Variants in CCDC30 observed in about 807,000 individuals in gnomAD.
CCDC30 encodes coiled-coil domain-containing protein 30.
In CCDC30, 70 loss-of-function variants were observed where a neutral mutation model predicts 100.2. The ratio of observed to expected loss-of-function variants is 0.70; its 90% CI spans 0.58 to 0.85. The LOEUF (loss-of-function observed/expected upper bound fraction) is 0.85, where lower values mean the gene tolerates loss of function less well. Among genes scored for constraint, CCDC30 ranks in the 40% least tolerant of loss-of-function variants. CCDC30 has a pLI of 0.00. For missense variants in CCDC30, 652 were observed against 771.2 expected, an observed-to-expected ratio of 0.85 and a Z score of 1.83; for synonymous variants, 233 against 269.5, an observed-to-expected ratio of 0.86 and a Z score of 1.33.
At chr1:42,521,503 G>A (rs1644646331) in intron 6 of CCDC30, among the ~76,000 whole-genome samples, 1 of 152,176 alleles carries the variant, frequency 6.6e-6, no homozygotes, top group Non-Finnish European at 1.5e-5. Context: ...ATTGTCCTGT[G>A]TGCAGTTGAG....
Position 42,609,252 on chromosome 1 carries a change from A to G in CCDC30, c.1165-1726A>G, listed in dbSNP as rs143680385. On this transcript the variant is annotated intron_variant, in intron 10 of 16. Coordinates refer to ENST00000668663, the Ensembl canonical transcript of CCDC30. ...TTTTGTGATGATCCACTTCTACTTA[A>G]TGAATAGTAAATATATTTTCTCTAC... 2.4e-3 allele frequency among the ~76,000 whole-genome samples: 373 copies of G among 152,294 alleles called. 2 individuals carry two copies. Among genetic ancestry groups the G allele is most frequent in the Middle Eastern group, 0.014 (4 of 294 alleles).
At chr1:42,535,983 A>G (rs890278309) in intron 6 of CCDC30, among the ~76,000 whole-genome samples, 3 of 151,452 alleles carry the variant, frequency 2.0e-5, no homozygotes, top group East Asian at 2.0e-4. Flanking sequence ...ATTATGTAAC[A>G]TATCTGAGCC....
At chr1:42,456,637 T>C in the CCDC30 span, 2 of 1,574,402 alleles carry the variant, frequency 1.3e-6, no homozygotes, top group Admixed American at 1.8e-5. Flanking sequence ...AGGTTATGGC[T>C]CGCTTCGCGG....
chr1:42,566,148 G>C, intron 6 of CCDC30, 148 bp from the exon 11 acceptor site: 1 of 597,896 alleles, frequency 1.7e-6, no homozygotes, highest in Non-Finnish European at 3.0e-6. Context: ...AAATGTAAAA[G>C]AGTAGTTTGC....
intron 6 of CCDC30, among the ~76,000 whole-genome samples, chr1:42,555,493 C>T (rs1253087813): frequency 6.6e-6 from 1 of 152,186 alleles, no homozygotes; most frequent in Non-Finnish European, 1.5e-5. Flanking sequence ...AGATCATGTC[C>T]TGTTGAAGCC....
chr1:42,625,317 ACAACTTTTTGTTT>A (rs1394265524), intron 11 of CCDC30, among the ~76,000 whole-genome samples: 6 of 144,172 alleles, frequency 4.2e-5, no homozygotes, highest in African/African-American at 1.5e-4. Context: ...TTTCAAAAAA[ACAACTTTTTGTTT>A]CATTGATCTT....
At chr1:42,546,156 C>A (rs1301207382) in intron 6 of CCDC30, among the ~76,000 whole-genome samples, 1 of 150,866 alleles carries the variant, frequency 6.6e-6, no homozygotes, top group African/African-American at 2.4e-5. Context: ...GAGGCCAAGG[C>A]GGGCGGATCA....
chr1:42,467,092 A>G (rs1032228894), intron 1 of CCDC30, among the ~76,000 whole-genome samples: 6 of 152,218 alleles, frequency 3.9e-5, no homozygotes, highest in Admixed American at 1.3e-4. Flanking sequence ...ATAGGGACCA[A>G]TAAGTATACT....
chr1:42,599,670 T>C (rs796274316), intron 10 of CCDC30, among the ~76,000 whole-genome samples: 1 of 152,142 alleles, frequency 6.6e-6, no homozygotes, highest in African/African-American at 2.4e-5. Context: ...AGAAGCCCAC[T>C]TTAAATATAA....
chr1:42,536,641 T>C (rs1471356491), intron 6 of CCDC30, 40 bp downstream of exon 7: 1 of 1,374,888 alleles, frequency 7.3e-7, no homozygotes, highest in Non-Finnish European at 1.0e-6. Flanking sequence ...TTCTTGTAGT[T>C]CTAATTTAGG....
chr1:42,500,570 C>T (rs1258760602), intron 6 of CCDC30, among the ~76,000 whole-genome samples: 5 of 152,002 alleles, frequency 3.3e-5, no homozygotes, highest in African/African-American at 4.8e-5. Flanking sequence ...CCCGCCACCA[C>T]GCCCGGCTAA....
At chr1:42,606,719 C>T (rs1287648316) in intron 10 of CCDC30, among the ~76,000 whole-genome samples, 1 of 152,174 alleles carries the variant, frequency 6.6e-6, no homozygotes, top group Non-Finnish European at 1.5e-5. Context: ...GCATGGGACT[C>T]ATACAAAGTA....
At position 42,584,507 on chromosome 1, in the gene CCDC30, T is replaced by G. The variant is rs138669517; in HGVS notation, c.1001+2993T>G. ...ACTTGGGAGGCTGAGGCAAGAAAAT[T>G]GCTTAAACCCAGGAGGCAGAGGTTG... On this transcript the variant is annotated intron_variant, in intron 9 of 16. Coordinates refer to ENST00000668663, the Ensembl canonical transcript of CCDC30. Among the ~76,000 whole-genome samples the G allele has an allele frequency of 7.9e-3, 1,203 of 152,064 alleles. 21 individuals are homozygous for G. The highest frequency in any genetic ancestry group is 0.027 in the African/African-American group (1,125 of 41,460).
chr1:42,567,873 A>G (rs1435654637), intron 7 of CCDC30, among the ~76,000 whole-genome samples: 2 of 152,216 alleles, frequency 1.3e-5, no homozygotes, highest in African/African-American at 4.8e-5. Flanking sequence ...TCAGGGATGG[A>G]TAAATGATAG....
chr1:42,461,986 G>A (rs1485228552), upstream of CCDC30, among the ~76,000 whole-genome samples: 1 of 152,194 alleles, frequency 6.6e-6, no homozygotes, highest in Non-Finnish European at 1.5e-5. Flanking sequence ...AGCTTTATGT[G>A]GATGATGACT....
intron 10 of CCDC30, among the ~76,000 whole-genome samples, chr1:42,606,057 C>G (rs1008721261): frequency 6.6e-6 from 1 of 152,146 alleles, no homozygotes; most frequent in Non-Finnish European, 1.5e-5. Context: ...ACTATTTTAT[C>G]TTTACTCCAT....
At chr1:42,536,760 C>T (rs1644913026) in intron 6 of CCDC30, 159 bp downstream of exon 7, 3 of 574,372 alleles carry the variant, frequency 5.2e-6, no homozygotes, top group East Asian at 2.9e-5. Flanking sequence ...TTTATTTTCT[C>T]ACAGTTATGG....
intron 10 of CCDC30, chr1:42,594,323 A>C (rs1417950228): frequency 6.6e-6 from 1 of 152,226 alleles, no homozygotes; most frequent in Non-Finnish European, 1.5e-5. Flanking sequence ...AGCCTTGGCA[A>C]CATAGCAAGA....
chr1:42,580,685 A>T (rs1403313455), intron 8 of CCDC30: 1 of 263,362 alleles, frequency 3.8e-6, no homozygotes, highest in Non-Finnish European at 7.5e-6. Context: ...TAAATCTGTC[A>T]TATAAACTCT....
Sources: gnomAD v4.1 joint callset for allele counts (sites outside exome capture counted in the v4.1 genomes callset) on GRCh38, gnomAD v4.1.1 for gene constraint, MANE v1.5 for transcripts, NCBI Gene and HGNC (gene_info 2026-07-23, HGNC 2026-07-21) for gene names.